TRIO: variants seen among roughly 807,000 people sequenced by gnomAD.
TRIO encodes the protein triple functional domain protein.
TRIO carries 58 observed loss-of-function variants against 351.9 expected under a neutral mutation model. That is an observed-to-expected ratio of 0.16 (90% CI 0.13 to 0.21). The LOEUF is 0.21. Ranked by LOEUF, TRIO falls within the 10% of genes least tolerant of loss-of-function variation. The pLI, the probability that TRIO is intolerant of heterozygous loss-of-function variation, is 1.00. For synonymous variants in TRIO, 1,758 were observed against 1,595.7 expected, an observed-to-expected ratio of 1.10 and a Z score of -2.42; for missense variants, 3,201 against 4,027.8, an observed-to-expected ratio of 0.79 and a Z score of 5.56.
chr5:14,415,304 C>T (rs1216418653), intron 33 of TRIO, among the ~76,000 whole-genome samples: 3 of 152,194 alleles, frequency 2.0e-5, no homozygotes, highest in Non-Finnish European at 4.4e-5. Context: ...ACTGCATCAC[C>T]CACCACACCA....
At chr5:14,492,075 T>G (rs1358201043) in intron 48 of TRIO, among the ~76,000 whole-genome samples, 1 of 152,244 alleles carries the variant, frequency 6.6e-6, no homozygotes, top group Non-Finnish European at 1.5e-5. Flanking sequence ...AGAGTATGCA[T>G]TCCCAATGAA....
chr5:14,177,216 G>A (rs1013779806), intron 1 of TRIO, among the ~76,000 whole-genome samples: 13 of 152,152 alleles, frequency 8.5e-5, no homozygotes, highest in African/African-American at 1.4e-4. Context: ...TGTTATATAC[G>A]TGAGAAAACT....
At chr5:14,203,912 C>G (rs1791300302) in intron 1 of TRIO, among the ~76,000 whole-genome samples, 1 of 152,220 alleles carries the variant, frequency 6.6e-6, no homozygotes, top group African/African-American at 2.4e-5. Flanking sequence ...ATTGTGCACT[C>G]AAACCTGGTA....
At chr5:14,484,106 C>A (rs959509017) in intron 46 of TRIO, among the ~76,000 whole-genome samples, 1 of 152,004 alleles carries the variant, frequency 6.6e-6, no homozygotes, top group East Asian at 1.9e-4. Context: ...ACTCATCCAT[C>A]CCCTGCACTG....
chr5:14,169,955 A>T (rs2152124505), intron 1 of TRIO, among the ~76,000 whole-genome samples: 2 of 152,350 alleles, frequency 1.3e-5, no homozygotes, highest in East Asian at 1.9e-4. Flanking sequence ...CAAAGGAGAC[A>T]GTCTTTTAGA....
chr5:14,154,201 G>A (rs570055105), intron 1 of TRIO, among the ~76,000 whole-genome samples: 1 of 152,236 alleles, frequency 6.6e-6, no homozygotes, highest in African/African-American at 2.4e-5. Flanking sequence ...GAAATCTCTG[G>A]CTGTTAATGT....
In TRIO at chr5:14,368,674, CAAAT is replaced by C. The variant is rs1396422112; in HGVS notation, c.2875-31_2875-28del. ...CCTTTCTAGTCAGTGGGGACACTGA[CAAAT>C]AAGCCTTCCCTTTTGTTCTCTGTCT... On this transcript the variant is annotated intron_variant, in intron 16 of 56. Coordinates refer to ENST00000344204, the MANE Select transcript of TRIO (RefSeq NM_007118.4). 16 of 1,596,820 alleles carry C rather than the reference CAAAT, an allele frequency of 1.0e-5. No homozygotes were observed. The South Asian group carries it at 1.2e-4, about 12-fold the overall frequency.
At chr5:14,143,953 C>A in intron 1 of TRIO, 71 bp downstream of exon 1, 3 of 1,003,784 alleles carry the variant, frequency 3.0e-6, no homozygotes, top group Non-Finnish European at 3.6e-6. Context: ...CGCGGAGCTG[C>A]CGAGCTCCGG....
chr5:14,272,959 A>G (rs971177424), intron 2 of TRIO, among the ~76,000 whole-genome samples: 1 of 152,180 alleles, frequency 6.6e-6, no homozygotes, highest in Non-Finnish European at 1.5e-5. Flanking sequence ...ATTGAAATCT[A>G]ATTCACATAC....
At chr5:14,235,134 A>G (rs569635563) in intron 1 of TRIO, among the ~76,000 whole-genome samples, 2 of 152,330 alleles carry the variant, frequency 1.3e-5, no homozygotes, top group East Asian at 3.8e-4. Flanking sequence ...AACCAAAGTA[A>G]AAACTTGTTA....
intron 9 of TRIO, among the ~76,000 whole-genome samples, chr5:14,317,293 C>T (rs1321490160): frequency 6.6e-6 from 1 of 152,102 alleles, no homozygotes; most frequent in African/African-American, 2.4e-5. Flanking sequence ...GTTTTGCTTC[C>T]TTATTATAGA....
Position 14,286,197 on chromosome 5 carries a change from A to G in TRIO, c.348-674A>G, listed in dbSNP as rs773701. 0.23 allele frequency among the ~76,000 whole-genome samples: 35,595 copies of G among 152,048 alleles called. 4,584 individuals carry two copies. Among genetic ancestry groups the G allele is most frequent in the African/African-American group, 0.32 (13,417 of 41,424 alleles). On this transcript the variant is annotated intron_variant, in intron 3 of 56. Transcript: ENST00000344204. This position sits in a 1 kb window ranked among gnomAD's most constrained non-coding sequence, Gnocchi z 4.4. ...AGTGTTAAGCCAGCGTTGCTACCAC[A>G]TAAAGGCTTAGTACAGTTGTGGAAC...
Position 14,451,951 on chromosome 5 carries a change from G to C in TRIO, c.5204-9068G>C, listed in dbSNP as rs555766903. Reference sequence around the variant, plus strand: ...TAACATAAGCTAGCTAAAATCCTTTGGGGGAGACAGCGTGGAGAATTTGCA... The same window carrying C: ...TAACATAAGCTAGCTAAAATCCTTTCGGGGAGACAGCGTGGAGAATTTGCA... On this transcript the variant is annotated intron_variant, in intron 34 of 56. Coordinates refer to ENST00000344204, the MANE Select transcript of TRIO (RefSeq NM_007118.4). Among the ~76,000 whole-genome samples the C allele has an allele frequency of 9.8e-5, 15 of 152,338 alleles. 1 individual carries two copies. Among genetic ancestry groups the C allele is most frequent in the African/African-American group, 3.4e-4 (14 of 41,564 alleles).
chr5:14,411,607 C>T (rs1335910397), intron 33 of TRIO, among the ~76,000 whole-genome samples: 4 of 152,124 alleles, frequency 2.6e-5, no homozygotes, highest in Non-Finnish European at 2.9e-5. Flanking sequence ...GTTTCAGTCA[C>T]TCTTTTTTTA....
intron 1 of TRIO, among the ~76,000 whole-genome samples, chr5:14,261,763 C>G (rs1795357760): frequency 6.6e-6 from 1 of 152,164 alleles, no homozygotes; most frequent in Non-Finnish European, 1.5e-5. Context: ...TCTCCTCTTT[C>G]CATCAGAGAA....
chr5:14,470,549 A>G (rs1228071165), intron 37 of TRIO, among the ~76,000 whole-genome samples: 3 of 152,250 alleles, frequency 2.0e-5, no homozygotes, highest in African/African-American at 7.2e-5. Context: ...TCATTGTCAC[A>G]TTAATCCAAG....
At chr5:14,325,568 A>T (rs529436678) in intron 9 of TRIO, among the ~76,000 whole-genome samples, 1 of 152,186 alleles carries the variant, frequency 6.6e-6, no homozygotes, top group African/African-American at 2.4e-5. Flanking sequence ...TGCCCCCATG[A>T]CTGGAACACC....
At chr5:14,168,265 C>T (rs761994489) in intron 1 of TRIO, among the ~76,000 whole-genome samples, 5 of 152,234 alleles carry the variant, frequency 3.3e-5, no homozygotes, top group African/African-American at 4.8e-5. Flanking sequence ...GGATATGCCA[C>T]GTGTTTAATT....
At chr5:14,506,786 T>G (rs1479790870) in intron 55 of TRIO, among the ~76,000 whole-genome samples, 11 of 152,078 alleles carry the variant, frequency 7.2e-5, no homozygotes, top group Admixed American at 7.2e-4. Context: ...CTACTTGCCT[T>G]CCTTCAGCAG....
Sources: allele counts gnomAD v4.1 joint callset (sites outside exome capture counted in the v4.1 genomes callset), GRCh38; gene constraint gnomAD v4.1.1; non-coding constraint Gnocchi (gnomAD v3.1); transcripts MANE v1.5; gene names NCBI Gene and HGNC (gene_info 2026-07-23, HGNC 2026-07-21).